ZNF407: variants seen among roughly 807,000 people sequenced by gnomAD.
ZNF407 encodes zinc finger protein 407.
ZNF407 carries 17 observed loss-of-function variants against 131.2 expected under a neutral mutation model. The ratio of observed to expected loss-of-function variants is 0.13; its 90% CI spans 0.09 to 0.19. The LOEUF (loss-of-function observed/expected upper bound fraction) is 0.19. ZNF407 is among the 10% of genes least tolerant of loss of function. The probability of loss-of-function intolerance (pLI) is 1.00; values close to 1 mark genes in which losing one functional copy is unlikely to be tolerated. For missense variants in ZNF407, 2,681 were observed against 2,830.6 expected (o/e 0.95, Z 1.20); for synonymous variants, 1,156 against 1,062.0 (o/e 1.09, Z -1.72).
At chr18:74,943,345 C>T (rs1339704943) in intron 8 of ZNF407, among the ~76,000 whole-genome samples, 1 of 152,210 alleles carries the variant, frequency 6.6e-6, no homozygotes, top group African/African-American at 2.4e-5. Flanking sequence ...AGTTCTCTTT[C>T]TTACAGCTGT....
intron 3 of ZNF407, among the ~76,000 whole-genome samples, chr18:74,738,141 G>T (rs1400900317): frequency 6.6e-6 from 1 of 152,104 alleles, no homozygotes; most frequent in Non-Finnish European, 1.5e-5. Context: ...GGGACGTTGG[G>T]CCAGGTGCGG....
intron 3 of ZNF407, among the ~76,000 whole-genome samples, chr18:74,723,810 A>G (rs949885495): frequency 2.0e-5 from 3 of 151,910 alleles, no homozygotes; most frequent in Non-Finnish European, 4.4e-5. Flanking sequence ...GTTTGGATAT[A>G]TTTGCATCAT....
At chr18:74,929,678 A>G (rs1315274210) in intron 8 of ZNF407, among the ~76,000 whole-genome samples, 1 of 152,214 alleles carries the variant, frequency 6.6e-6, no homozygotes, top group East Asian at 1.9e-4. Context: ...TCGTGTTGCT[A>G]CTACTGCAGA....
chr18:74,948,321 A>G (rs900302601), intron 8 of ZNF407, among the ~76,000 whole-genome samples: 2 of 152,310 alleles, frequency 1.3e-5, no homozygotes, highest in South Asian at 2.1e-4. Context: ...CGTTAATACA[A>G]GTTGTCCACT....
At chr18:74,603,659 T>C (rs534991335) in intron 1 of ZNF407, among the ~76,000 whole-genome samples, 2 of 152,352 alleles carry the variant, frequency 1.3e-5, no homozygotes, top group South Asian at 4.1e-4. Context: ...AACAATAGAT[T>C]CATTCCACAT....
rs1313385301 is a variant in ZNF407 at position 74,754,560 on chromosome 18, A to C, written c.4803-26868A>C. ...TCTGGTACATTGTGTCTTTGTTCTC[A>C]TTGGTTTCAAAGAACATCTTTATTT... On this transcript the variant is annotated intron_variant, in intron 3 of 8. Transcript: ENST00000299687. 3.3e-5 allele frequency among the ~76,000 whole-genome samples: 5 copies of C among 152,074 alleles called. No homozygotes were observed. The East Asian group carries it at 9.6e-4, about 29-fold the overall frequency.
chr18:75,013,969 A>G (rs940565801), intron 8 of ZNF407, among the ~76,000 whole-genome samples: 1 of 152,092 alleles, frequency 6.6e-6, no homozygotes, highest in African/African-American at 2.4e-5. Context: ...TCTGTCACCA[A>G]AAAGTCTTAA....
At chr18:74,607,075 T>C (rs1430239483) in intron 1 of ZNF407, among the ~76,000 whole-genome samples, 3 of 152,232 alleles carry the variant, frequency 2.0e-5, no homozygotes, top group Non-Finnish European at 4.4e-5. Flanking sequence ...AGGTGTTTCG[T>C]CAGTCTCAGA....
chr18:74,943,475 T>C (rs1332464681), intron 8 of ZNF407, among the ~76,000 whole-genome samples: 2 of 152,184 alleles, frequency 1.3e-5, no homozygotes, highest in Non-Finnish European at 2.9e-5. Flanking sequence ...CACAGTTTGT[T>C]TGTCACCCAT....
intron 8 of ZNF407, among the ~76,000 whole-genome samples, chr18:75,009,627 A>T (rs1028852178): frequency 6.6e-6 from 1 of 152,226 alleles, no homozygotes; most frequent in Admixed American, 6.5e-5. Flanking sequence ...TTACTATGCC[A>T]GGCACTGCTG....
At chr18:74,629,683 A>G (rs1983960133) in intron 1 of ZNF407, among the ~76,000 whole-genome samples, 1 of 152,190 alleles carries the variant, frequency 6.6e-6, no homozygotes, top group Admixed American at 6.5e-5. Context: ...TGTCAACGTT[A>G]TGGAAAAAAT....
At chr18:75,052,621 G>C (rs994502622) in intron 8 of ZNF407, among the ~76,000 whole-genome samples, 1 of 152,212 alleles carries the variant, frequency 6.6e-6, no homozygotes, top group African/African-American at 2.4e-5. Context: ...ATGTTAAGTG[G>C]GCAACTGGTT....
intron 8 of ZNF407, among the ~76,000 whole-genome samples, chr18:74,993,788 A>G (rs1301482321): frequency 3.9e-5 from 6 of 152,232 alleles, no homozygotes; most frequent in Non-Finnish European, 7.3e-5. Flanking sequence ...TCAAATGGTG[A>G]ACACTCCTTT....
Position 74,781,461 on chromosome 18 carries a change from T to A in ZNF407, c.4836T>A (p.Thr1612=). 1 of 1,545,744 alleles carries A rather than the reference T, an allele frequency of 6.5e-7. No individual in the cohort carries two copies. Among genetic ancestry groups the A allele is most frequent in the Admixed American group, 2.0e-5 (1 of 50,236 alleles). ...TTGTAATGAAGAAGCACTTAAATAC[T>A]CATCTACTAGGCAAGCATGGAGTTG... ...VAFVMKKHLN[T]HLLGKHGVGT... is the part of the protein sequence containing the mutation. Residue 1612 remains threonine, a synonymous_variant, in exon 4 of 9, where the codon ACT becomes ACA. Coordinates refer to ENST00000299687, the MANE Select transcript of ZNF407 (RefSeq NM_017757.3).
chr18:75,050,818 C>T (rs1056251422), intron 8 of ZNF407, among the ~76,000 whole-genome samples: 1 of 152,184 alleles, frequency 6.6e-6, no homozygotes, highest in Non-Finnish European at 1.5e-5. Context: ...TCACAAAAAG[C>T]ACCAAAACAC....
At chr18:74,640,618 A>G (rs1035277391) in intron 2 of ZNF407, among the ~76,000 whole-genome samples, 5 of 152,216 alleles carry the variant, frequency 3.3e-5, no homozygotes, top group African/African-American at 1.2e-4. Context: ...GCTTTTAAAA[A>G]TATCAGCTGC....
intron 3 of ZNF407, among the ~76,000 whole-genome samples, chr18:74,750,607 C>G (rs770553243): frequency 6.6e-6 from 1 of 152,108 alleles, no homozygotes; most frequent in Non-Finnish European, 1.5e-5. Context: ...GGTATTCACC[C>G]GTTCATCATT....
chr18:74,977,854 T>G (rs889856993), intron 8 of ZNF407, among the ~76,000 whole-genome samples: 1 of 152,232 alleles, frequency 6.6e-6, no homozygotes, highest in Non-Finnish European at 1.5e-5. Flanking sequence ...TGCTAGGATT[T>G]GGGATTTGAT....
chr18:74,896,603 G>C (rs140494062), intron 7 of ZNF407, among the ~76,000 whole-genome samples: 17 of 152,304 alleles, frequency 1.1e-4, no homozygotes, highest in African/African-American at 2.2e-4. Context: ...GTAGATGTCA[G>C]TGTGGTGGCT....
Sources: allele counts gnomAD v4.1 joint callset (sites outside exome capture counted in the v4.1 genomes callset), GRCh38; gene constraint gnomAD v4.1.1; transcripts MANE v1.5; gene names NCBI Gene and HGNC (gene_info 2026-07-23, HGNC 2026-07-21).